Variants in FAM228B observed in about 807,000 individuals in gnomAD.
The protein encoded by FAM228B is family with sequence similarity 228 member B.
A neutral mutation model predicts 42.6 loss-of-function variants in FAM228B; 38 were observed. The ratio of observed to expected loss-of-function variants is 0.89; its 90% CI spans 0.69 to 1.17. The LOEUF is 1.17. Among genes scored for constraint, FAM228B ranks in the 50% most tolerant of loss-of-function variants. The pLI is 0.00. For synonymous variants in FAM228B, 109 were observed against 122.3 expected (o/e 0.89, Z 0.72); for missense variants, 344 against 367.3 (o/e 0.94, Z 0.52).
At chr2:24,082,992 G>C in intron 2 of FAM228B, 2 of 1,614,208 alleles carry the variant, frequency 1.2e-6, no homozygotes, top group Non-Finnish European at 1.7e-6. Context: ...TTCGGGGACA[G>C]TGACGTACTG....
rs3205037 is a variant in FAM228B at position 24,169,494 on chromosome 2, C to T, written c.*153C>T. 3.3e-6 allele frequency: 1 copy of T among 305,630 alleles called. No individual in the cohort carries two copies. Among genetic ancestry groups the T allele is most frequent in the Non-Finnish European group, 7.7e-6 (1 of 130,624 alleles). The allele number at this position is 305,630 out of a possible 1,614,324, so 18.9% of individuals were successfully genotyped here. ...ACGGCACTCAAGAATTGTCCTGTCT[C>T]TAAAAAAAAAGCATCTGCAACGAAC... On this transcript the variant is annotated 3_prime_UTR_variant, in exon 11 of 11. Coordinates refer to ENST00000615575, the MANE Select transcript of FAM228B (RefSeq NM_001145710.2). The surrounding 1 kb of genome is among the most constrained non-coding windows in gnomAD (Gnocchi z 4.2).
chr2:24,116,566 A>C (rs771656062), intron 3 of FAM228B, among the ~76,000 whole-genome samples: 49 of 152,116 alleles, frequency 3.2e-4, no homozygotes, highest in Non-Finnish European at 5.1e-4. Flanking sequence ...TTTCAACCTG[A>C]GGACCTGGCC....
intron 8 of FAM228B, 47 bp from the exon 9 acceptor site, chr2:24,164,151 G>T (rs1667342509): frequency 6.8e-7 from 1 of 1,481,042 alleles, no homozygotes; most frequent in South Asian, 1.3e-5. Flanking sequence ...TGCTACAGTT[G>T]AGTTGAGAGT....
At position 24,157,915 on chromosome 2, in the gene FAM228B, T is replaced by A. The variant is rs578220697; in HGVS notation, c.687-3591T>A. ...AGTAGATTCAGAAACTGAACTAAGGTCTCTGACTCCACAGCCTACATTCTA... is the reference window on the plus strand; with the variant it reads ...AGTAGATTCAGAAACTGAACTAAGGACTCTGACTCCACAGCCTACATTCTA... On this transcript the variant is annotated intron_variant, in intron 7 of 10. Transcript: ENST00000615575. Among the ~76,000 whole-genome samples, 4 of 152,202 alleles carry A rather than the reference T, an allele frequency of 2.6e-5. No homozygotes were observed. The East Asian group carries it at 7.7e-4, about 29-fold the overall frequency.
At chr2:24,079,638 C>T in intron 1 of FAM228B, 2 of 1,613,574 alleles carry the variant, frequency 1.2e-6, no homozygotes, top group African/African-American at 1.3e-5. Flanking sequence ...TTAACTCCAG[C>T]ACCTTCCATA....
intron 3 of FAM228B, among the ~76,000 whole-genome samples, chr2:24,111,076 T>G (rs993831219): frequency 1.3e-5 from 2 of 152,190 alleles, no homozygotes; most frequent in Non-Finnish European, 2.9e-5. Flanking sequence ...TCTTTTTTTT[T>G]TTGAAACAGA....
At chr2:24,078,049 A>G (rs1470323003) in intron 1 of FAM228B, among the ~76,000 whole-genome samples, 1 of 152,210 alleles carries the variant, frequency 6.6e-6, no homozygotes. Context: ...AGCAAGTCAT[A>G]AAGATTCCTC....
At chr2:24,106,836 TAGAC>T (rs1445977324) in intron 3 of FAM228B, among the ~76,000 whole-genome samples, 2 of 151,910 alleles carry the variant, frequency 1.3e-5, no homozygotes, top group Admixed American at 1.3e-4. Context: ...CACACTTAAG[TAGAC>T]AGACTAGTGA....
Position 24,137,729 on chromosome 2 carries a change from T to C in FAM228B, c.169-180T>C, listed in dbSNP as rs187160750. 1.8e-3 allele frequency among the ~76,000 whole-genome samples: 272 copies of C among 152,344 alleles called. 2 individuals are homozygous for C. Among genetic ancestry groups the C allele is most frequent in the Non-Finnish European group, 1.2e-3 (82 of 68,034 alleles). On this transcript the variant is annotated intron_variant, in intron 3 of 10. Transcript: ENST00000615575. ...GCCCCAAATACCTGTGTTTTCCTTG[T>C]TTGCAGCAGAGTGTATGTCACATAG...
intron 2 of FAM228B, among the ~76,000 whole-genome samples, chr2:24,081,954 C>A (rs1195060358): frequency 6.6e-6 from 1 of 151,784 alleles, no homozygotes; most frequent in Non-Finnish European, 1.5e-5. Flanking sequence ...CTCAGCCGCC[C>A]AAAGTGCTGG....
At chr2:24,121,740 G>C (rs1666125722), upstream of FAM228B, among the ~76,000 whole-genome samples, 1 of 152,094 alleles carries the variant, frequency 6.6e-6, no homozygotes, top group Non-Finnish European at 1.5e-5. Flanking sequence ...CACTGTATTT[G>C]TTCCAGGAGA....
intron 5 of FAM228B, among the ~76,000 whole-genome samples, chr2:24,143,563 C>G (rs1002048519): frequency 1.3e-5 from 2 of 152,156 alleles, no homozygotes; most frequent in Admixed American, 1.3e-4. Flanking sequence ...AACAACAAAT[C>G]TCAACAGATT....
upstream of FAM228B, chr2:24,119,631 T>C: frequency 6.2e-7 from 1 of 1,613,942 alleles, no homozygotes; most frequent in Non-Finnish European, 8.5e-7. Flanking sequence ...TCAGTGTAAG[T>C]TGCTACCAGA....
chr2:24,126,612 C>CTT (rs36032006), intron 2 of FAM228B, among the ~76,000 whole-genome samples: 37 of 141,198 alleles, frequency 2.6e-4, no homozygotes, highest in Non-Finnish European at 5.1e-4. Flanking sequence ...AGATTCACTA[C>CTT]TTTTTTTTTT....
In FAM228B at chr2:24,146,777, G is replaced by GA; in HGVS notation, c.477dup (p.Ala160SerfsTer4). The GA allele has an allele frequency of 6.5e-7, 1 of 1,549,724 alleles. No homozygotes were observed. The highest frequency in any genetic ancestry group is 1.2e-5 in the South Asian group (1 of 83,916). ...CCATCCCACCATTTCATGACCCTTT[G>GA]AAAAAAGCACAATATGACAAGGATA... On this transcript the variant is annotated frameshift_variant, in exon 6 of 11. Transcript: ENST00000615575. LOFTEE classifies it high-confidence loss of function.
intron 3 of FAM228B, among the ~76,000 whole-genome samples, chr2:24,102,350 T>C (rs934530063): frequency 1.3e-5 from 2 of 152,234 alleles, no homozygotes; most frequent in African/African-American, 4.8e-5. Flanking sequence ...TCAATTGATA[T>C]GCTCAGGAAA....
In FAM228B at chr2:24,147,092, G is replaced by T. The variant is rs1288659636; in HGVS notation, c.686+6G>T. 6.5e-7 allele frequency: 1 copy of T among 1,535,928 alleles called. No individual in the cohort carries two copies. The highest frequency in any genetic ancestry group is 8.8e-7 in the Non-Finnish European group (1 of 1,137,248). On this transcript the variant is annotated splice_donor_region_variant and intron_variant, in intron 7 of 10. Transcript: ENST00000615575. ...GAATTTTGTAGAAGGAGAAGGTAATGGTTAATATACTAGAAATTATAGAAC... is the reference window on the plus strand; with the variant it reads ...GAATTTTGTAGAAGGAGAAGGTAATTGTTAATATACTAGAAATTATAGAAC...
chr2:24,109,165 T>A (rs1161370266), intron 3 of FAM228B, among the ~76,000 whole-genome samples: 67 of 85,354 alleles, frequency 7.8e-4, no homozygotes, highest in Non-Finnish European at 1.0e-3. Context: ...AAAAAAAGAG[T>A]AATGGCAAAA....
At chr2:24,131,871 A>T (rs1666462406) in intron 2 of FAM228B, among the ~76,000 whole-genome samples, 1 of 152,168 alleles carries the variant, frequency 6.6e-6, no homozygotes, top group South Asian at 2.1e-4. Flanking sequence ...AATATGTTGA[A>T]TAGGAATTGT....
Sources: allele counts gnomAD v4.1 joint callset (sites outside exome capture counted in the v4.1 genomes callset), GRCh38; gene constraint gnomAD v4.1.1; non-coding constraint Gnocchi (gnomAD v3.1); transcripts MANE v1.5; gene names NCBI Gene and HGNC (gene_info 2026-07-23, HGNC 2026-07-21).